Variants in SAMD11 observed in about 807,000 individuals in gnomAD.
The protein encoded by SAMD11 is sterile alpha motif domain-containing protein 11.
A neutral mutation model predicts 64.4 loss-of-function variants in SAMD11; 77 were observed. The ratio of observed to expected loss-of-function variants is 1.20; its 90% CI spans 0.99 to 1.44. The LOEUF (loss-of-function observed/expected upper bound fraction) is 1.44. SAMD11 is among the 40% of genes most tolerant of loss of function. The probability of loss-of-function intolerance (pLI) is 0.00; values close to 1 mark genes in which losing one functional copy is unlikely to be tolerated. For missense variants in SAMD11, 1,402 were observed against 943.3 expected, an observed-to-expected ratio of 1.49 and a Z score of -6.37; for synonymous variants, 658 against 421.9, an observed-to-expected ratio of 1.56 and a Z score of -6.86.
intron 5 of SAMD11, among the ~76,000 whole-genome samples, chr1:938,006 C>G (rs1202705323): frequency 6.6e-6 from 1 of 152,180 alleles, no homozygotes; most frequent in African/African-American, 2.4e-5. Flanking sequence ...GGTCTTGGGT[C>G]ACAGGGGAGT....
chr1:942,236 C>G lies in SAMD11; in HGVS notation c.1459C>G (p.Leu487Val). The change falls in exon 9 of 14, where the codon CTG becomes GTG. Residue 487 changes from leucine to valine, a missense_variant. Leu to Val is a conservative substitution (Grantham distance 32). Coordinates refer to ENST00000616016, the MANE Select transcript of SAMD11 (RefSeq NM_001385641.1). ...RPPFLGVPSA[L>V]CQTPGYGFLP... ...CCCCTTCCTGGGGGTGCCCTCGGCT[C>G]TGTGCCAGACCCCAGGTGAGGAGGC... is the stretch of plus-strand genomic sequence containing the variant. 3.0e-6 allele frequency: 4 copies of G among 1,331,024 alleles called. No individual in the cohort carries two copies. Among genetic ancestry groups the G allele is most frequent in the Non-Finnish European group, 3.9e-6 (4 of 1,026,752 alleles). 82.5% of individuals were successfully genotyped at this position (1,331,024 alleles called of 1,614,324 possible). A position where few individuals can be genotyped will look rare whatever the true frequency, so the allele number is the denominator to read the frequency against.
At chr1:930,481 G>T in intron 3 of SAMD11, 145 bp downstream of exon 3, 1 of 901,202 alleles carries the variant, frequency 1.1e-6, no homozygotes, top group Non-Finnish European at 1.7e-6. Flanking sequence ...TGTGTGGGTC[G>T]CAGGCAGGAG....
rs1156607093 is a variant in SAMD11, at chr1:942,956, C to T, written c.1951C>T (p.Gln651Ter). The change falls in exon 11 of 14, where the codon CAA becomes TAA. Residue 651 changes from glutamine (Q) to a stop codon, truncating the protein, a stop_gained. Coordinates refer to ENST00000616016, the MANE Select transcript of SAMD11 (RefSeq NM_001385641.1). LOFTEE classifies it high-confidence loss of function. ...AVGCRGPTPG[Q>*]APAGGAGAEG... ...TGGGTGCAGGGGGCCCACTCCGGGCCAAGCTCCAGCTGGAGGGGCCGGCGC... is the reference window on the plus strand; with the variant it reads ...TGGGTGCAGGGGGCCCACTCCGGGCTAAGCTCCAGCTGGAGGGGCCGGCGC... The T allele has an allele frequency of 1.3e-6, 2 of 1,545,814 alleles. No individual in the cohort carries two copies. Among genetic ancestry groups the T allele is most frequent in the Non-Finnish European group, 8.7e-7 (1 of 1,146,672 alleles).
At position 942,752 on chromosome 1, in the gene SAMD11, C is replaced by T. The variant is rs978817347; in HGVS notation, c.1747C>T (p.Pro583Ser). The T allele has an allele frequency of 2.7e-6, 4 of 1,504,160 alleles. No homozygotes were observed. Among genetic ancestry groups the T allele is most frequent in the East Asian group, 2.6e-5 (1 of 37,754 alleles). 93.2% of individuals were successfully genotyped at this position (1,504,160 alleles called of 1,614,324 possible). Reference sequence around the variant, plus strand: ...CCCCCAGGGGCCCCCGGGCTCCGGACCCCCCACCCCGTCCCGGGACTCTGC... The same window carrying T: ...CCCCCAGGGGCCCCCGGGCTCCGGATCCCCCACCCCGTCCCGGGACTCTGC... The part of the protein sequence containing the change: ...LPPQGPPGSG[P>S]PTPSRDSARR... Residue 583 changes from proline (P) to serine (S), a missense_variant, in exon 11 of 14, where the codon CCC becomes TCC. Physicochemically the swap from Pro to Ser is moderately conservative, Grantham distance 74. Coordinates refer to ENST00000616016, the MANE Select transcript of SAMD11 (RefSeq NM_001385641.1).
intron 2 of SAMD11, 48 bp downstream of exon 2, chr1:926,061 A>T: frequency 1.3e-6 from 2 of 1,562,316 alleles, no homozygotes; most frequent in Non-Finnish European, 1.8e-6. Flanking sequence ...TCCCCTGCGG[A>T]GCTTGTCCCT....
intron 4 of SAMD11, among the ~76,000 whole-genome samples, chr1:931,630 C>A (rs1008341479): frequency 6.6e-6 from 1 of 152,192 alleles, no homozygotes; most frequent in African/African-American, 2.4e-5. Flanking sequence ...GATGCTGGGC[C>A]TGTGGGCACC....
chr1:931,114 A>G (rs1641147160), intron 4 of SAMD11, 25 bp downstream of exon 4: 2 of 1,607,416 alleles, frequency 1.2e-6, no homozygotes, highest in South Asian at 1.1e-5. Flanking sequence ...GTGCGTGCAT[A>G]AGAGGGGGCC....
intron 4 of SAMD11, among the ~76,000 whole-genome samples, chr1:935,067 C>T (rs1569886033): frequency 1.3e-5 from 2 of 152,166 alleles, no homozygotes; most frequent in East Asian, 1.9e-4. Flanking sequence ...GAGGGCCGTG[C>T]TCCACACAGT....
intron 4 of SAMD11, among the ~76,000 whole-genome samples, chr1:935,134 A>G (rs1460901376): frequency 1.3e-5 from 2 of 152,218 alleles, no homozygotes; most frequent in African/African-American, 4.8e-5. Context: ...ATTAGCAAGA[A>G]GAGGAGAAAT....
At chr1:941,368 C>T in intron 8 of SAMD11, 62 bp downstream of exon 8, 3 of 1,418,272 alleles carry the variant, frequency 2.1e-6, no homozygotes, top group Non-Finnish European at 9.3e-7. Flanking sequence ...CCCGCGCTCT[C>T]AGCCACCAGC....
chr1:924,483 C>A lies in SAMD11; in HGVS notation c.52C>A (p.Leu18Met). 1 of 149,866 alleles carries A rather than the reference C, an allele frequency of 6.7e-6. No individual in the cohort carries two copies. Among genetic ancestry groups the A allele is most frequent in the South Asian group, 2.0e-4 (1 of 5,088 alleles). The allele number at this position is 149,866 out of a possible 1,614,324, so 9.3% of individuals were successfully genotyped here. A position where few individuals can be genotyped will look rare whatever the true frequency, so the allele number is the denominator to read the frequency against. Reference sequence around the variant, plus strand: ...GGGCCGCGAGGACCTGGCCCTGGCTCTGGCCACGTTCCACCCGACCCTGGC... The same window carrying A: ...GGGCCGCGAGGACCTGGCCCTGGCTATGGCCACGTTCCACCCGACCCTGGC... ...FPGREDLALA[L>M]ATFHPTLAAL... Residue 18 changes from leucine to methionine, a missense_variant, in exon 1 of 14, where the codon CTG (leucine) becomes ATG (methionine). By Grantham distance (15) the Leu-to-Met change is conservative (BLOSUM62 2). Coordinates refer to ENST00000616016, the MANE Select transcript of SAMD11 (RefSeq NM_001385641.1).
In SAMD11 at chr1:942,787, C is replaced by A; in HGVS notation, c.1782C>A (p.Ala594=). The change falls in exon 11 of 14, where the codon GCC becomes GCA. Residue 594 remains alanine (A), a synonymous_variant. Transcript: ENST00000616016. Reference sequence around the variant, plus strand: ...CGTCCCGGGACTCTGCCCGGCGAGCCCCCCGGAAGGGGGGTCCCGGCCCTG... The same window carrying A: ...CGTCCCGGGACTCTGCCCGGCGAGCACCCCGGAAGGGGGGTCCCGGCCCTG... ...PTPSRDSARR[A]PRKGGPGPAS... is the part of the protein sequence containing the mutation. 2 of 1,540,474 alleles carry A rather than the reference C, an allele frequency of 1.3e-6. No individual in the cohort carries two copies. Among genetic ancestry groups the A allele is most frequent in the Non-Finnish European group, 1.7e-6 (2 of 1,143,890 alleles).
chr1:944,169 G>A lies in SAMD11; in HGVS notation c.*16G>A. 6.6e-7 allele frequency: 1 copy of A among 1,525,754 alleles called. No individual in the cohort carries two copies. Among genetic ancestry groups the A allele is most frequent in the African/African-American group, 1.4e-5 (1 of 72,292 alleles). 94.5% of individuals were successfully genotyped at this position (1,525,754 alleles called of 1,614,324 possible). A position where few individuals can be genotyped will look rare whatever the true frequency, so the allele number is the denominator to read the frequency against. ...TCTGTGTTGAGGTTGCCGGGGGTAG[G>A]GGTGGGGCCACACAAATCTCCAGGA... On this transcript the variant is annotated 3_prime_UTR_variant, in exon 14 of 14. Coordinates refer to ENST00000616016, the MANE Select transcript of SAMD11 (RefSeq NM_001385641.1).
chr1:935,883 C>A lies in SAMD11; in HGVS notation c.954C>A (p.Gly318=), dbSNP rs1641406633. The change falls in exon 5 of 14, where the codon GGC becomes GGA. Residue 318 remains glycine (G), a synonymous_variant. Transcript: ENST00000616016. ...TCCAGAGAGGCAGCCTGGAGATTGG[C>A]CTGCGACCCGCCGGTGAGGAGCACA... ...CEFQRGSLEI[G]LRPAGDLLGK... 6.2e-7 allele frequency: 1 copy of A among 1,612,256 alleles called. No individual in the cohort carries two copies. The highest frequency in any genetic ancestry group is 1.7e-5 in the Admixed American group (1 of 59,982).
At chr1:931,774 G>A (rs1294169677) in intron 4 of SAMD11, among the ~76,000 whole-genome samples, 2 of 152,250 alleles carry the variant, frequency 1.3e-5, no homozygotes, top group Admixed American at 1.3e-4. Flanking sequence ...ACGGTAGGGG[G>A]TGTGATTCCA....
chr1:938,606 C>T (rs1268152796), intron 5 of SAMD11, among the ~76,000 whole-genome samples: 3 of 152,200 alleles, frequency 2.0e-5, no homozygotes, highest in Non-Finnish European at 2.9e-5. Flanking sequence ...GTGTGAGGTC[C>T]TTCCCGGCTT....
At chr1:933,831 A>C in intron 4 of SAMD11, among the ~76,000 whole-genome samples, 1 of 151,572 alleles carries the variant, frequency 6.6e-6, no homozygotes, top group African/African-American at 2.4e-5. Flanking sequence ...CCAGCCTGGG[A>C]GTCTTTGGTG....
At chr1:928,132 G>A (rs1267634178) in intron 2 of SAMD11, among the ~76,000 whole-genome samples, 13 of 152,192 alleles carry the variant, frequency 8.5e-5, no homozygotes, top group East Asian at 1.9e-4. Context: ...GGTGGCGCAT[G>A]CCTGTAATCC....
At position 925,985 on chromosome 1, in the gene SAMD11, G is replaced by T; in HGVS notation, c.581G>T (p.Cys194Phe). 1.2e-6 allele frequency: 2 copies of T among 1,612,002 alleles called. No homozygotes were observed. Among genetic ancestry groups the T allele is most frequent in the Non-Finnish European group, 1.7e-6 (2 of 1,179,936 alleles). ...CAGGTGCATCCTCCGATCTGCGACTGCCCGGGCTGCCGAATATCCTCCCCG... is the reference window on the plus strand; with the variant it reads ...CAGGTGCATCCTCCGATCTGCGACTTCCCGGGCTGCCGAATATCCTCCCCG... ...ILQVHPPICD[C>F]PGCRISSPVN... The change falls in exon 2 of 14, where the codon TGC becomes TTC. Residue 194 changes from cysteine to phenylalanine, a missense_variant. Physicochemically the swap from Cys to Phe is radical, Grantham distance 205 (BLOSUM62 -2). Transcript: ENST00000616016.
Sources: allele counts gnomAD v4.1 joint callset (sites outside exome capture counted in the v4.1 genomes callset), GRCh38; gene constraint gnomAD v4.1.1; transcripts MANE v1.5; gene names NCBI Gene and HGNC (gene_info 2026-07-23, HGNC 2026-07-21).